HS3ST4: variants seen among roughly 807,000 people sequenced by gnomAD.
HS3ST4 encodes the protein heparan sulfate glucosamine 3-O-sulfotransferase 4.
HS3ST4 carries 17 observed loss-of-function variants against 29.2 expected under a neutral mutation model. That is an observed-to-expected ratio of 0.58 (90% CI 0.40 to 0.87). The LOEUF is 0.87. Among genes scored for constraint, HS3ST4 ranks in the 40% least tolerant of loss-of-function variants. The pLI is 0.00. For missense variants in HS3ST4, 627 were observed against 634.5 expected, an observed-to-expected ratio of 0.99 and a Z score of 0.13; for synonymous variants, 314 against 285.7, an observed-to-expected ratio of 1.10 and a Z score of -1.00.
intron 1 of HS3ST4, among the ~76,000 whole-genome samples, chr16:25,756,127 TAC>T (rs61054132): frequency 0.14 from 20,275 of 140,326 alleles, 1,326 homozygotes; most frequent in African/African-American, 0.16. Context: ...CACACACACA[TAC>T]ACACACACAC....
At chr16:25,758,816 C>T (rs1035916631) in intron 1 of HS3ST4, among the ~76,000 whole-genome samples, 5 of 151,850 alleles carry the variant, frequency 3.3e-5, no homozygotes, top group African/African-American at 4.8e-5. Context: ...ATTAGCCGGG[C>T]GTGGTGGTGC....
chr16:26,113,169 A>G (rs1382415687), intron 1 of HS3ST4, among the ~76,000 whole-genome samples: 1 of 152,230 alleles, frequency 6.6e-6, no homozygotes, highest in Non-Finnish European at 1.5e-5. Context: ...ACAGAAGACT[A>G]AGCAGAACAT....
intron 1 of HS3ST4, among the ~76,000 whole-genome samples, chr16:25,977,454 T>C (rs1968954981): frequency 6.6e-6 from 1 of 152,214 alleles, no homozygotes. Flanking sequence ...TCTTTAAACA[T>C]GTCCCGATCT....
intron 1 of HS3ST4, among the ~76,000 whole-genome samples, chr16:25,714,134 TC>T: frequency 6.6e-6 from 1 of 151,904 alleles, no homozygotes; most frequent in Non-Finnish European, 1.5e-5. Context: ...TTAAAGAACC[TC>T]CCCGTTCCAA....
chr16:25,850,106 TCTC>T (rs1967503186), intron 1 of HS3ST4, among the ~76,000 whole-genome samples: 1 of 151,898 alleles, frequency 6.6e-6, no homozygotes, highest in Middle Eastern at 3.4e-3. Context: ...TTCAGGCAAT[TCTC>T]CTGCCTCAGT....
At position 26,031,672 on chromosome 16, in the gene HS3ST4, G is replaced by A. The variant is rs138558405; in HGVS notation, c.735-103940G>A. 2.5e-3 allele frequency among the ~76,000 whole-genome samples: 378 copies of A among 151,176 alleles called. 3 individuals are homozygous for A. The highest frequency in any genetic ancestry group is 9.0e-3 in the African/African-American group (371 of 41,184). Reference sequence around the variant, plus strand: ...ATAGGAGCCTCTGGCCCGACGCACCGGCCACAGGGCCCAGCAGAAAGATGG... The same window carrying A: ...ATAGGAGCCTCTGGCCCGACGCACCAGCCACAGGGCCCAGCAGAAAGATGG... On this transcript the variant is annotated intron_variant, in intron 1 of 1. Transcript: ENST00000331351.
intron 1 of HS3ST4, among the ~76,000 whole-genome samples, chr16:25,868,054 G>A (rs1011381074): frequency 2.6e-5 from 4 of 152,100 alleles, no homozygotes; most frequent in Non-Finnish European, 5.9e-5. Flanking sequence ...AAGAAAATAA[G>A]GCAATAAAGG....
At chr16:26,095,503 C>T (rs1320765753) in intron 1 of HS3ST4, among the ~76,000 whole-genome samples, 2 of 152,188 alleles carry the variant, frequency 1.3e-5, no homozygotes, top group Admixed American at 6.5e-5. Flanking sequence ...GAACAACTTG[C>T]TCCTGAATGA....
chr16:25,770,363 A>T (rs189363069), intron 1 of HS3ST4, among the ~76,000 whole-genome samples: 20 of 152,328 alleles, frequency 1.3e-4, no homozygotes, highest in Admixed American at 5.2e-4. Flanking sequence ...TGCTGGGCTC[A>T]GTGCCTTACA....
chr16:25,993,195 G>T (rs1306603705), intron 1 of HS3ST4, among the ~76,000 whole-genome samples: 1 of 152,180 alleles, frequency 6.6e-6, no homozygotes, highest in Non-Finnish European at 1.5e-5. Context: ...TGCTGTCATG[G>T]AATGCCATAA....
At chr16:25,704,524 A>T (rs1966360583) in intron 1 of HS3ST4, among the ~76,000 whole-genome samples, 1 of 152,042 alleles carries the variant, frequency 6.6e-6, no homozygotes, top group Non-Finnish European at 1.5e-5. Flanking sequence ...CAGTGGCATG[A>T]TCATAGCTCA....
intron 1 of HS3ST4, among the ~76,000 whole-genome samples, chr16:26,111,645 T>G (rs988330212): frequency 1.3e-5 from 2 of 152,180 alleles, no homozygotes; most frequent in Non-Finnish European, 2.9e-5. Flanking sequence ...GGAATTCCTT[T>G]TATTATTTTT....
At chr16:25,892,174 T>C (rs909899172) in intron 1 of HS3ST4, among the ~76,000 whole-genome samples, 1 of 152,020 alleles carries the variant, frequency 6.6e-6, no homozygotes, top group African/African-American at 2.4e-5. Flanking sequence ...CTCAAAAGAA[T>C]GTGAGATGAG....
intron 1 of HS3ST4, among the ~76,000 whole-genome samples, chr16:26,059,732 A>G (rs1898452520): frequency 6.6e-6 from 1 of 151,920 alleles, no homozygotes; most frequent in Non-Finnish European, 1.5e-5. Context: ...ACACATTTTA[A>G]TATCTTTCAA....
At chr16:26,109,203 C>T (rs1028843175) in intron 1 of HS3ST4, among the ~76,000 whole-genome samples, 1 of 152,188 alleles carries the variant, frequency 6.6e-6, no homozygotes, top group East Asian at 1.9e-4. Flanking sequence ...TTCCCTGTAC[C>T]TTCCAGGGTG....
intron 1 of HS3ST4, among the ~76,000 whole-genome samples, chr16:25,778,738 AAGGAGGAGAAGAAGG>A (rs1332546664): frequency 5.3e-5 from 8 of 151,832 alleles, no homozygotes; most frequent in East Asian, 1.9e-4. Flanking sequence ...GGAGAAGGAG[AAGGAGGAGAAGAAGG>A]AGGAGGAGAA....
chr16:25,843,022 T>C (rs1181610347), intron 1 of HS3ST4, among the ~76,000 whole-genome samples: 1 of 152,242 alleles, frequency 6.6e-6, no homozygotes, highest in Non-Finnish European at 1.5e-5. Context: ...TCCCTGTACT[T>C]CTACAGCATA....
intron 1 of HS3ST4, among the ~76,000 whole-genome samples, chr16:25,859,089 G>T (rs4787774): frequency 0.3 from 45,985 of 151,814 alleles, 7,711 homozygotes; most frequent in Admixed American, 0.39. Flanking sequence ...GTGCTTTTTT[G>T]GTAATTTCTT....
intron 1 of HS3ST4, among the ~76,000 whole-genome samples, chr16:25,791,092 C>CT (rs151278158): frequency 0.01 from 1,550 of 148,982 alleles, 64 homozygotes; most frequent in Admixed American, 0.083. Flanking sequence ...GGCGAAGCAT[C>CT]TTTTTTTTTT....
Sources: allele counts gnomAD v4.1 joint callset (sites outside exome capture counted in the v4.1 genomes callset), GRCh38; gene constraint gnomAD v4.1.1; transcripts MANE v1.5; gene names NCBI Gene and HGNC (gene_info 2026-07-23, HGNC 2026-07-21).